ADGRL2: variants seen among roughly 807,000 people sequenced by gnomAD.
ADGRL2 encodes adhesion G protein-coupled receptor L2.
Under a neutral mutation model 157.4 loss-of-function variants are expected in ADGRL2, and 44 were observed. The ratio of observed to expected loss-of-function variants is 0.28; its 90% confidence interval spans 0.22 to 0.36. ADGRL2 has a LOEUF of 0.36. ADGRL2 is among the 10% of genes least tolerant of loss of function. ADGRL2 has a pLI of 1.00. For synonymous variants in ADGRL2, 585 were observed against 624.7 expected, an observed-to-expected ratio of 0.94 and a Z score of 0.95; for missense variants, 1,510 against 1,768.9, an observed-to-expected ratio of 0.85 and a Z score of 2.63.
intron 1 of ADGRL2, among the ~76,000 whole-genome samples, chr1:81,353,035 G>A (rs1477282113): frequency 6.6e-6 from 1 of 152,168 alleles, no homozygotes; most frequent in African/African-American, 2.4e-5. Context: ...AATGTATAAT[G>A]AATGCTTGCT....
At chr1:81,953,286 T>A (rs116541776) in intron 10 of ADGRL2, among the ~76,000 whole-genome samples, 1 of 152,176 alleles carries the variant, frequency 6.6e-6, no homozygotes, top group Non-Finnish European at 1.5e-5. Context: ...TGGAAAGTAA[T>A]TATGTAGTCT....
chr1:81,942,123 A>G (rs1036593076), intron 5 of ADGRL2, 78 bp downstream of exon 5: 4 of 613,354 alleles, frequency 6.5e-6, no homozygotes, highest in Non-Finnish European at 1.2e-5. Flanking sequence ...CCCTCTCCCC[A>G]CAACACTCCT....
intron 1 of ADGRL2, among the ~76,000 whole-genome samples, chr1:81,743,393 GTTTTT>G: frequency 7.3e-6 from 1 of 136,850 alleles, no homozygotes; most frequent in African/African-American, 2.6e-5. Context: ...ATAACAGAAG[GTTTTT>G]TTTTTTTTTT....
chr1:81,409,513 T>A (rs112388256), intron 1 of ADGRL2, among the ~76,000 whole-genome samples: 21 of 152,320 alleles, frequency 1.4e-4, no homozygotes, highest in African/African-American at 5.1e-4. Flanking sequence ...GGATGCCAAA[T>A]GAATAACAAG....
intron 2 of ADGRL2, among the ~76,000 whole-genome samples, chr1:81,562,474 A>C (rs1175231782): frequency 1.3e-5 from 2 of 150,290 alleles, no homozygotes; most frequent in Non-Finnish European, 3.0e-5. Context: ...CTCTAATGCA[A>C]ACTTTTTTAT....
intron 2 of ADGRL2, among the ~76,000 whole-genome samples, chr1:81,770,916 A>G (rs1052929750): frequency 6.6e-6 from 1 of 152,078 alleles, no homozygotes; most frequent in Non-Finnish European, 1.5e-5. Flanking sequence ...TAGAAGTACA[A>G]TTAATTTTTA....
At chr1:81,663,808 A>G (rs2082704416) in intron 3 of ADGRL2, among the ~76,000 whole-genome samples, 1 of 152,226 alleles carries the variant, frequency 6.6e-6, no homozygotes, top group South Asian at 2.1e-4. Context: ...ATAATGGAAG[A>G]GAATATGACC....
At chr1:81,503,683 C>G (rs1402376723) in intron 2 of ADGRL2, among the ~76,000 whole-genome samples, 1 of 152,168 alleles carries the variant, frequency 6.6e-6, no homozygotes, top group East Asian at 1.9e-4. Context: ...ACAGCGTTGT[C>G]CAATCAGGGA....
chr1:81,801,239 T>G (rs1405241650), intron 1 of ADGRL2, among the ~76,000 whole-genome samples, 171 bp downstream of exon 1: 2 of 152,228 alleles, frequency 1.3e-5, no homozygotes, highest in Non-Finnish European at 2.9e-5. Flanking sequence ...AGCCCCTTGC[T>G]GGAAAACTCA....
At chr1:81,480,636 G>A (rs1279727267) in intron 2 of ADGRL2, among the ~76,000 whole-genome samples, 9 of 152,130 alleles carry the variant, frequency 5.9e-5, no homozygotes. Flanking sequence ...CTGATTTATA[G>A]TCATAATAGA....
At chr1:81,454,397 T>C (rs1293973896) in intron 2 of ADGRL2, among the ~76,000 whole-genome samples, 1 of 152,206 alleles carries the variant, frequency 6.6e-6, no homozygotes, top group Non-Finnish European at 1.5e-5. Context: ...TGATTCATTA[T>C]CTTGTGATAT....
intron 1 of ADGRL2, 133 bp from the exon 2 acceptor site, chr1:81,836,752 G>A (rs1051770914): frequency 1.3e-4 from 51 of 397,274 alleles, no homozygotes; most frequent in African/African-American, 1.0e-3. Flanking sequence ...CAGTGTATAG[G>A]AGCAGCTTCC....
At chr1:81,444,668 A>G (rs114085877) in intron 1 of ADGRL2, among the ~76,000 whole-genome samples, 1,577 of 152,296 alleles carry the variant, frequency 0.01, 8 homozygotes, top group African/African-American at 0.024. Context: ...GGTGGCATCA[A>G]TGGGCTGTCT....
intron 11 of ADGRL2, among the ~76,000 whole-genome samples, chr1:81,960,866 G>A (rs1423773311): frequency 6.6e-6 from 1 of 152,168 alleles, no homozygotes; most frequent in Non-Finnish European, 1.5e-5. Flanking sequence ...AGTCACAGCT[G>A]CTTACAACAA....
chr1:81,421,813 G>A (rs2077130180), intron 1 of ADGRL2, among the ~76,000 whole-genome samples: 1 of 151,890 alleles, frequency 6.6e-6, no homozygotes, highest in Non-Finnish European at 1.5e-5. Flanking sequence ...ACAACAGACT[G>A]CATTCAAAAT....
chr1:81,776,723 C>T (rs1352783995), intron 2 of ADGRL2, among the ~76,000 whole-genome samples: 1 of 152,114 alleles, frequency 6.6e-6, no homozygotes, highest in Non-Finnish European at 1.5e-5. Context: ...ACTTAGATCC[C>T]TGCTGGTGGG....
chr1:81,346,126 A>T (rs1430212060), intron 1 of ADGRL2, among the ~76,000 whole-genome samples: 1 of 152,176 alleles, frequency 6.6e-6, no homozygotes, highest in Non-Finnish European at 1.5e-5. Flanking sequence ...AAATATTGAC[A>T]GGTATTTGGG....
At chr1:81,675,521 T>G (rs371929944) in intron 3 of ADGRL2, among the ~76,000 whole-genome samples, 2 of 152,322 alleles carry the variant, frequency 1.3e-5, no homozygotes, top group South Asian at 2.1e-4. Flanking sequence ...TGGGTTTTTG[T>G]TATTGTTTTT....
In ADGRL2 at chr1:81,811,073, T is replaced by A. The variant is rs2089816004; in HGVS notation, c.-101+10005T>A. ...AAATGACTTTTCATATTGTTACGGG[T>A]TTTAAACTAGATCTACAGCCTGAAT... On this transcript the variant is annotated intron_variant, in intron 1 of 23. Coordinates refer to ENST00000686636, the MANE Select transcript of ADGRL2 (RefSeq NM_001366006.2). Among the ~76,000 whole-genome samples, 5 of 151,814 alleles carry A rather than the reference T, an allele frequency of 3.3e-5. No homozygotes were observed. The South Asian group carries it at 1.0e-3, about 32-fold the overall frequency.
Sources: allele counts gnomAD v4.1 joint callset (sites outside exome capture counted in the v4.1 genomes callset), GRCh38; gene constraint gnomAD v4.1.1; transcripts MANE v1.5; gene names NCBI Gene and HGNC (gene_info 2026-07-23, HGNC 2026-07-21).